SLC35D1: variants seen among roughly 807,000 people sequenced by gnomAD.
SLC35D1 encodes nucleotide sugar transporter SLC35D1.
In SLC35D1, 31 loss-of-function variants were observed where a neutral mutation model predicts 46.7. The observed-to-expected ratio is 0.66, with a 90% CI of 0.50 to 0.90. SLC35D1 has a LOEUF of 0.90. SLC35D1 is among the 40% of genes least tolerant of loss of function. The probability of loss-of-function intolerance (pLI) is 0.00; values close to 1 mark genes in which losing one functional copy is unlikely to be tolerated. For missense variants in SLC35D1, 397 were observed against 426.2 expected, an observed-to-expected ratio of 0.93 and a Z score of 0.60; for synonymous variants, 195 against 164.6, an observed-to-expected ratio of 1.18 and a Z score of -1.41.
chr1:66,985,372 C>T, the SLC35D1 span: 5 of 984,814 alleles, frequency 5.1e-6, no homozygotes, highest in Non-Finnish European at 4.8e-6. Flanking sequence ...ACATTTTTCT[C>T]ACCAAACAGT....
At chr1:66,985,520 A>T in the SLC35D1 span, 3 of 984,626 alleles carry the variant, frequency 3.0e-6, no homozygotes, top group Non-Finnish European at 3.6e-6. Context: ...GTCTTTCCAT[A>T]TTCTTATCTG....
In SLC35D1 at chr1:67,051,998, A is replaced by T. The variant is rs754849240; in HGVS notation, c.392+14T>A. ...ATTATATTAACCTCACTAGTAAAAT[A>T]AAGTTATCCATACTTCAGTTTCTTT... On this transcript the variant is annotated intron_variant, in intron 4 of 11. Transcript: ENST00000235345. The T allele has an allele frequency of 6.4e-7, 1 of 1,553,886 alleles. No homozygotes were observed.
At chr1:66,991,803 T>TA in the SLC35D1 span, among the ~76,000 whole-genome samples, 25 of 152,158 alleles carry the variant, frequency 1.6e-4, no homozygotes, top group South Asian at 5.0e-3. Flanking sequence ...GCTTTTTTTT[T>TA]TATATCATAC....
intron 11 of SLC35D1, 83 bp from the exon 12 acceptor site, chr1:67,004,531 C>CA (rs1667407462): frequency 8.6e-7 from 1 of 1,163,678 alleles, no homozygotes; most frequent in Admixed American, 1.8e-5. Flanking sequence ...AAACTTACAC[C>CA]AAAAAATTAG....
chr1:67,023,172 A>T (rs185293189), intron 8 of SLC35D1, among the ~76,000 whole-genome samples: 1 of 152,272 alleles, frequency 6.6e-6, no homozygotes, highest in African/African-American at 2.4e-5. Context: ...GTTTTTATTT[A>T]TCTTGGGTAA....
chr1:67,053,779 C>T lies in SLC35D1; in HGVS notation c.203+32G>A, dbSNP rs370561547. ...CCGCCGCCGCCGCCCGCTCCTCCTC[C>T]GCGGCCTGGGCCGCCGCCGCCTCGG... is the stretch of plus-strand genomic sequence containing the variant. On this transcript the variant is annotated intron_variant, in intron 1 of 11. Transcript: ENST00000235345. 1.9e-5 allele frequency: 29 copies of T among 1,523,156 alleles called. No individual in the cohort carries two copies. The Admixed American group carries it at 2.5e-4, about 13-fold the overall frequency. 94.4% of individuals were successfully genotyped at this position (1,523,156 alleles called of 1,614,324 possible).
At chr1:66,997,680 C>A (rs948965881), downstream of SLC35D1, among the ~76,000 whole-genome samples, 2 of 98,180 alleles carry the variant, frequency 2.0e-5, no homozygotes, top group African/African-American at 5.6e-5. Context: ...ATACAGAAAT[C>A]AAAAATATAT....
At chr1:66,977,077 GT>G in the SLC35D1 span, among the ~76,000 whole-genome samples, 5 of 151,686 alleles carry the variant, frequency 3.3e-5, no homozygotes, top group South Asian at 1.0e-3. Flanking sequence ...CTTAAATTCA[GT>G]TCCATTCAGT....
intron 8 of SLC35D1, among the ~76,000 whole-genome samples, chr1:67,031,230 G>A (rs1261419862): frequency 6.6e-6 from 1 of 151,904 alleles, no homozygotes; most frequent in Non-Finnish European, 1.5e-5. Context: ...CCTGTCTCTG[G>A]AGAAAGTCAG....
At chr1:67,053,774 T>C in intron 1 of SLC35D1, 37 bp downstream of exon 1, 1 of 1,498,472 alleles carries the variant, frequency 6.7e-7, no homozygotes. Context: ...CGCCCGCTCC[T>C]CCTCCGCGGC....
At chr1:67,014,747 T>A (rs559532809) in intron 10 of SLC35D1, among the ~76,000 whole-genome samples, 1 of 134,902 alleles carries the variant, frequency 7.4e-6, no homozygotes, top group East Asian at 2.3e-4. Context: ...TGTTGTAAGG[T>A]CACAGAACTG....
chr1:66,984,716 C>T, the SLC35D1 span: 3 of 1,613,844 alleles, frequency 1.9e-6, no homozygotes, highest in South Asian at 2.2e-5. Flanking sequence ...GATAACCTTA[C>T]CACTGACCCA....
chr1:66,978,497 A>C, the SLC35D1 span, among the ~76,000 whole-genome samples: 1 of 152,228 alleles, frequency 6.6e-6, no homozygotes, highest in Non-Finnish European at 1.5e-5. Flanking sequence ...CTAATTGCTT[A>C]ATGTTAAATT....
chr1:67,044,331 TG>T (rs67993744), intron 7 of SLC35D1, among the ~76,000 whole-genome samples: 94,891 of 140,470 alleles, frequency 0.68, 31,897 homozygotes, highest in South Asian at 0.76. Flanking sequence ...AGACTCCATC[TG>T]AAAAAAAAAA....
At chr1:67,041,576 G>C (rs1253932424) in intron 8 of SLC35D1, among the ~76,000 whole-genome samples, 5 of 152,124 alleles carry the variant, frequency 3.3e-5, no homozygotes, top group Non-Finnish European at 5.9e-5. Flanking sequence ...TTTCCATTTA[G>C]TTTGCAGAAT....
chr1:67,012,273 ACCCC>A (rs1436173357), intron 10 of SLC35D1, among the ~76,000 whole-genome samples: 3 of 152,162 alleles, frequency 2.0e-5, no homozygotes, highest in African/African-American at 7.2e-5. Context: ...GACTGGTGGT[ACCCC>A]ACATATCTGT....
At chr1:66,982,940 G>A in the SLC35D1 span, among the ~76,000 whole-genome samples, 3 of 152,180 alleles carry the variant, frequency 2.0e-5, no homozygotes, top group Admixed American at 2.0e-4. Flanking sequence ...CTGACCTTGG[G>A]ACTAACCGTA....
chr1:66,979,914 G>A, the SLC35D1 span, among the ~76,000 whole-genome samples: 5 of 152,078 alleles, frequency 3.3e-5, no homozygotes, highest in South Asian at 2.1e-4. Flanking sequence ...ACAGGCATGC[G>A]CCACCACACC....
At chr1:66,997,731 C>A (rs1404928547), downstream of SLC35D1, among the ~76,000 whole-genome samples, 4 of 145,656 alleles carry the variant, frequency 2.7e-5, no homozygotes, top group African/African-American at 1.0e-4. Flanking sequence ...TCTTAGAAAA[C>A]AGGAGGAAAG....
Sources: allele counts gnomAD v4.1 joint callset (sites outside exome capture counted in the v4.1 genomes callset), GRCh38; gene constraint gnomAD v4.1.1; transcripts MANE v1.5; gene names NCBI Gene and HGNC (gene_info 2026-07-23, HGNC 2026-07-21).